The following NPAS2 variants were observed in gnomAD, a reference collection of about 807,000 sequenced individuals.
NPAS2 encodes neuronal PAS domain-containing protein 2.
In NPAS2, 23 loss-of-function variants were observed where a neutral mutation model predicts 107.5. The observed-to-expected ratio is 0.21, with a 90% CI of 0.15 to 0.30. NPAS2 has a LOEUF of 0.30. NPAS2 is among the 10% of genes least tolerant of loss of function. The pLI is 1.00. For synonymous variants in NPAS2, 403 were observed against 417.5 expected, an observed-to-expected ratio of 0.97 and a Z score of 0.42; for missense variants, 756 against 1,043.3, an observed-to-expected ratio of 0.72 and a Z score of 3.79.
chr2:100,837,050 G>C (rs1311908899), intron 1 of NPAS2, among the ~76,000 whole-genome samples: 18 of 151,972 alleles, frequency 1.2e-4, no homozygotes, highest in Admixed American at 1.1e-3. Context: ...ATCGCTTACA[G>C]ACACTAGAGC....
intron 2 of NPAS2, among the ~76,000 whole-genome samples, chr2:100,907,279 CT>C (rs1682218620): frequency 6.6e-6 from 1 of 152,066 alleles, no homozygotes; most frequent in African/African-American, 2.4e-5. Flanking sequence ...TATGCAGTTT[CT>C]TTTCATTCAT....
chr2:100,913,828 C>T (rs1682704799), intron 2 of NPAS2, among the ~76,000 whole-genome samples: 1 of 152,182 alleles, frequency 6.6e-6, no homozygotes, highest in African/African-American at 2.4e-5. Context: ...AGGACACAAA[C>T]TTGGGGGTGC....
At chr2:100,936,996 A>C (rs939739720) in intron 4 of NPAS2, among the ~76,000 whole-genome samples, 1 of 151,834 alleles carries the variant, frequency 6.6e-6, no homozygotes, top group African/African-American at 2.4e-5. Flanking sequence ...AAAAAAAAAA[A>C]AAAAACCATG....
intron 1 of NPAS2, among the ~76,000 whole-genome samples, chr2:100,836,709 A>C (rs1210303391): frequency 6.6e-6 from 1 of 152,074 alleles, no homozygotes; most frequent in Admixed American, 6.6e-5. Context: ...CTTGGTTCCA[A>C]TGCCTCCCTG....
intron 1 of NPAS2, among the ~76,000 whole-genome samples, chr2:100,850,713 G>T (rs1323583570): frequency 6.6e-6 from 1 of 152,068 alleles, no homozygotes; most frequent in Non-Finnish European, 1.5e-5. Flanking sequence ...AGCACTTTAG[G>T]AGGCCGAGGT....
At chr2:100,954,158 T>C (rs12616480) in intron 7 of NPAS2, among the ~76,000 whole-genome samples, 27,777 of 152,122 alleles carry the variant, frequency 0.18, 2,948 homozygotes, top group East Asian at 0.39. Context: ...TTATCTGGTG[T>C]CTGCCCGGGG....
At chr2:100,849,524 T>G (rs959343494) in intron 1 of NPAS2, among the ~76,000 whole-genome samples, 1 of 152,144 alleles carries the variant, frequency 6.6e-6, no homozygotes, top group Non-Finnish European at 1.5e-5. Flanking sequence ...ATTCCTGGGC[T>G]TCCTTCACCT....
At chr2:100,897,023 G>T (rs898867096) in intron 1 of NPAS2, among the ~76,000 whole-genome samples, 1 of 152,148 alleles carries the variant, frequency 6.6e-6, no homozygotes, top group Non-Finnish European at 1.5e-5. Flanking sequence ...CAATCATGGC[G>T]GAAGGGGAAG....
rs1676164934 is a variant in NPAS2, at chr2:100,965,559, AT to A, written c.801-100del. 7.5e-6 allele frequency: 5 copies of A among 669,972 alleles called. No individual in the cohort carries two copies. The highest frequency in any genetic ancestry group is 1.3e-5 in the Non-Finnish European group (5 of 381,654). The allele number at this position is 669,972 out of a possible 1,614,324, so 41.5% of individuals were successfully genotyped here. ...ATTTTTCTCCCCTTGTTCTTGAGAAATGAGGCCTCCATGTTGATCATTATGG... is the reference window on the plus strand; with the variant it reads ...ATTTTTCTCCCCTTGTTCTTGAGAAAGAGGCCTCCATGTTGATCATTATGG... On this transcript the variant is annotated intron_variant, in intron 9 of 20. Coordinates refer to ENST00000335681, the MANE Select transcript of NPAS2 (RefSeq NM_002518.4). This position sits in a 1 kb window ranked among gnomAD's most constrained non-coding sequence, Gnocchi z 4.3.
intron 16 of NPAS2, chr2:100,982,935 C>G (rs1677545014): frequency 6.5e-6 from 1 of 152,978 alleles, no homozygotes; most frequent in South Asian, 2.1e-4. Context: ...GCAGCTCTCA[C>G]TGTGACCCCC....
intron 1 of NPAS2, among the ~76,000 whole-genome samples, chr2:100,869,892 C>G (rs1430099173): frequency 6.7e-6 from 1 of 148,508 alleles, no homozygotes; most frequent in Non-Finnish European, 1.5e-5. Flanking sequence ...CCAGCAGACT[C>G]CTGACTTCTT....
chr2:100,916,989 A>G (rs915255400), intron 2 of NPAS2, among the ~76,000 whole-genome samples: 2 of 152,190 alleles, frequency 1.3e-5, no homozygotes, highest in African/African-American at 4.8e-5. Flanking sequence ...ATGAACATAC[A>G]TTTCAAAATT....
At chr2:100,864,376 C>T (rs1325896187) in intron 1 of NPAS2, among the ~76,000 whole-genome samples, 1 of 152,134 alleles carries the variant, frequency 6.6e-6, no homozygotes, top group Admixed American at 6.5e-5. Context: ...TGATCTCTTC[C>T]AAAACTGTGT....
chr2:100,990,676 G>C (rs1284975633), intron 18 of NPAS2, 104 bp from the exon 19 acceptor site: 1 of 1,165,132 alleles, frequency 8.6e-7, no homozygotes, highest in African/African-American at 1.5e-5. Flanking sequence ...GGGGATTAGA[G>C]TCAACCATAA....
intron 2 of NPAS2, among the ~76,000 whole-genome samples, chr2:100,921,589 C>CCA (rs1683230636): frequency 6.6e-6 from 1 of 152,094 alleles, no homozygotes; most frequent in Non-Finnish European, 1.5e-5. Context: ...GACAAACAGC[C>CCA]CAACTGGAAA....
intron 1 of NPAS2, among the ~76,000 whole-genome samples, chr2:100,847,961 AT>A (rs1447247536): frequency 1.3e-5 from 2 of 152,320 alleles, no homozygotes; most frequent in Middle Eastern, 3.4e-3. Flanking sequence ...GACACTGTGA[AT>A]ATATGTCTTT....
chr2:100,907,328 C>T (rs917236540), intron 2 of NPAS2, among the ~76,000 whole-genome samples: 1 of 152,048 alleles, frequency 6.6e-6, no homozygotes, highest in Non-Finnish European at 1.5e-5. Context: ...AGCATACCTC[C>T]CCCACCCAAA....
At chr2:100,904,264 C>A (rs1272766799) in intron 1 of NPAS2, among the ~76,000 whole-genome samples, 1 of 152,122 alleles carries the variant, frequency 6.6e-6, no homozygotes, top group African/African-American at 2.4e-5. Context: ...GAGGTGCGTG[C>A]GACCTAAGGC....
At chr2:100,860,087 C>T (rs955215095) in intron 1 of NPAS2, among the ~76,000 whole-genome samples, 1 of 152,188 alleles carries the variant, frequency 6.6e-6, no homozygotes, top group Non-Finnish European at 1.5e-5. Flanking sequence ...ATAATGTCCT[C>T]TACAGATTCA....
Sources: gnomAD v4.1 joint callset for allele counts (sites outside exome capture counted in the v4.1 genomes callset) on GRCh38, gnomAD v4.1.1 for gene constraint, Gnocchi (gnomAD v3.1) non-coding constraint, MANE v1.5 for transcripts, NCBI Gene and HGNC (gene_info 2026-07-23, HGNC 2026-07-21) for gene names.